DNAJC17: variants seen among roughly 807,000 people sequenced by gnomAD.
The protein encoded by DNAJC17 is dnaJ homolog subfamily C member 17.
In DNAJC17, 35 loss-of-function variants were observed where a neutral mutation model predicts 48.1. The observed-to-expected ratio is 0.73, with a 90% confidence interval of 0.56 to 0.96. The LOEUF (loss-of-function observed/expected upper bound fraction) is 0.96, where lower values mean the gene tolerates loss of function less well. Ranked by LOEUF, DNAJC17 falls within the 50% of genes least tolerant of loss-of-function variation. The pLI, the probability that DNAJC17 is intolerant of heterozygous loss-of-function variation, is 0.00. For missense variants in DNAJC17, 355 were observed against 377.1 expected, an observed-to-expected ratio of 0.94 and a Z score of 0.48; for synonymous variants, 117 against 142.7, an observed-to-expected ratio of 0.82 and a Z score of 1.28.
At chr15:40,783,133 G>T (rs1889548458) in intron 1 of DNAJC17, among the ~76,000 whole-genome samples, 1 of 151,906 alleles carries the variant, frequency 6.6e-6, no homozygotes, top group Non-Finnish European at 1.5e-5. Context: ...TCTTTCTTTT[G>T]CTCTCTTTGC....
intron 1 of DNAJC17, among the ~76,000 whole-genome samples, chr15:40,785,164 C>T (rs1889608900): frequency 1.3e-5 from 2 of 152,098 alleles, no homozygotes; most frequent in Admixed American, 6.6e-5. Context: ...CCCGAAAAAG[C>T]TTCCAGTCTC....
At chr15:40,798,710 A>T (rs1002104748) in intron 1 of DNAJC17, among the ~76,000 whole-genome samples, 1 of 152,122 alleles carries the variant, frequency 6.6e-6, no homozygotes. Flanking sequence ...AGGTGACAAA[A>T]TCTGATTTAC....
At position 40,767,024 on chromosome 15, in the gene DNAJC17, G is replaced by A. The variant is rs1049426250; in HGVS notation, c.*916C>T. 1 of 435,256 alleles carries A rather than the reference G, an allele frequency of 2.3e-6. No homozygotes were observed. Among genetic ancestry groups the A allele is most frequent in the East Asian group, 3.5e-5 (1 of 28,170 alleles). 27.0% of individuals were successfully genotyped at this position (435,256 alleles called of 1,614,324 possible). ...ACAACAGTGGCACCTTCACTAGCTT[G>A]TTGGGAAGAATAAATGAGATAGCTC... On this transcript the variant is annotated 3_prime_UTR_variant, in exon 11 of 11. Coordinates refer to ENST00000220496, the MANE Select transcript of DNAJC17 (RefSeq NM_018163.3).
intron 10 of DNAJC17, among the ~76,000 whole-genome samples, chr15:40,773,089 T>C (rs1010687120): frequency 6.6e-6 from 1 of 151,834 alleles, no homozygotes; most frequent in Non-Finnish European, 1.5e-5. Flanking sequence ...GCCTCCTGAG[T>C]AGCTGGGATT....
intron 1 of DNAJC17, among the ~76,000 whole-genome samples, chr15:40,781,032 C>A (rs1889471800): frequency 6.6e-6 from 1 of 150,596 alleles, no homozygotes; most frequent in African/African-American, 2.4e-5. Flanking sequence ...CCCTGTAATC[C>A]CCCTACTTGG....
At chr15:40,779,348 A>T (rs1889415445) in intron 3 of DNAJC17, 38 bp from the exon 4 acceptor site, 2 of 1,609,604 alleles carry the variant, frequency 1.2e-6, no homozygotes, top group Admixed American at 3.3e-5. Context: ...AGGGTCAGTG[A>T]GAGAGTAAAG....
chr15:40,804,813 C>G (rs925315996), intron 1 of DNAJC17, among the ~76,000 whole-genome samples: 2 of 151,514 alleles, frequency 1.3e-5, no homozygotes, highest in African/African-American at 4.9e-5. Flanking sequence ...ACCAGCCTGA[C>G]CAACATGGTG....
chr15:40,800,432 A>G (rs1233881016), intron 1 of DNAJC17, among the ~76,000 whole-genome samples: 2 of 151,166 alleles, frequency 1.3e-5, no homozygotes, highest in African/African-American at 4.9e-5. Context: ...TCATGTGTTT[A>G]TTGACCATTT....
chr15:40,775,167 C>T, intron 7 of DNAJC17, 59 bp from the exon 8 acceptor site: 1 of 1,570,960 alleles, frequency 6.4e-7, no homozygotes, highest in Non-Finnish European at 8.8e-7. Flanking sequence ...CACCCCACGA[C>T]TGAGCTTGAC....
chr15:40,787,613 A>G (rs1186829459), intron 1 of DNAJC17, among the ~76,000 whole-genome samples: 1 of 152,046 alleles, frequency 6.6e-6, no homozygotes, highest in Non-Finnish European at 1.5e-5. Flanking sequence ...TGAATAATAA[A>G]TTGGCAGCCA....
At chr15:40,800,566 C>G (rs1482640587) in intron 1 of DNAJC17, among the ~76,000 whole-genome samples, 1 of 151,056 alleles carries the variant, frequency 6.6e-6, no homozygotes, top group Non-Finnish European at 1.5e-5. Flanking sequence ...TCAGAGCTCA[C>G]TGTAACTTCA....
In DNAJC17 at chr15:40,767,569, C is replaced by T. The variant is rs1888979060; in HGVS notation, c.*371G>A. ...TGCCCTGGTGCTCCCAGCTGCCCTC[C>T]TGCTTCGGGCCTGGGCCGAGGGCCT... On this transcript the variant is annotated 3_prime_UTR_variant, in exon 11 of 11. Transcript: ENST00000220496. 3 of 609,400 alleles carry T rather than the reference C, an allele frequency of 4.9e-6. No homozygotes were observed. Among genetic ancestry groups the T allele is most frequent in the South Asian group, 2.4e-5 (1 of 42,226 alleles). 37.7% of individuals were successfully genotyped at this position (609,400 alleles called of 1,614,324 possible).
At chr15:40,792,895 CTT>C (rs563611021) in intron 1 of DNAJC17, among the ~76,000 whole-genome samples, 279 of 126,240 alleles carry the variant, frequency 2.2e-3, no homozygotes, top group African/African-American at 8.4e-3. Context: ...AAGATCCCTT[CTT>C]TTTTTTTTTT....
chr15:40,774,526 C>T (rs1031030824), intron 8 of DNAJC17, 90 bp from the exon 9 acceptor site: 2 of 1,403,608 alleles, frequency 1.4e-6, no homozygotes, highest in Non-Finnish European at 2.0e-6. Flanking sequence ...ACCTTGAGGC[C>T]CATGGGGCAT....
chr15:40,767,181 T>C lies in DNAJC17; in HGVS notation c.*759A>G. On this transcript the variant is annotated 3_prime_UTR_variant, in exon 11 of 11. Coordinates refer to ENST00000220496, the MANE Select transcript of DNAJC17 (RefSeq NM_018163.3). ...CAGACACTAGCTTTGTACCAGGAGC[T>C]TGCTGTGTGCCCCTCCTCACCCCCC... The C allele has an allele frequency of 6.9e-7, 1 of 1,450,704 alleles. No homozygotes were observed. Among genetic ancestry groups the C allele is most frequent in the South Asian group, 1.5e-5 (1 of 64,922 alleles). The allele number at this position is 1,450,704 out of a possible 1,614,324, so 89.9% of individuals were successfully genotyped here.
chr15:40,802,892 C>G (rs985288833), intron 1 of DNAJC17, among the ~76,000 whole-genome samples: 5 of 152,022 alleles, frequency 3.3e-5, no homozygotes, highest in Admixed American at 2.6e-4. Context: ...CTGCTTGAAC[C>G]CAGGAGTTCA....
chr15:40,780,869 G>A (rs991196613), intron 1 of DNAJC17, among the ~76,000 whole-genome samples: 10 of 149,990 alleles, frequency 6.7e-5, no homozygotes, highest in Non-Finnish European at 1.2e-4. Flanking sequence ...GATTGAGGCC[G>A]GACATGGTGG....
chr15:40,771,303 C>T (rs567704691), intron 10 of DNAJC17: 10 of 453,186 alleles, frequency 2.2e-5, no homozygotes, highest in South Asian at 2.0e-4. Context: ...CTGGCTATGC[C>T]GGGAAAGGGA....
Position 40,788,429 on chromosome 15 carries a change from G to T in DNAJC17, c.79-8432C>A, listed in dbSNP as rs1889699899. 2.0e-5 allele frequency among the ~76,000 whole-genome samples: 3 copies of T among 152,204 alleles called. No individual in the cohort carries two copies. In the South Asian group the frequency reaches 6.2e-4, roughly 32 times the overall value. The stretch of plus-strand genomic sequence containing the variant: ...ATTTAAAAATGGGCCGGGCACGGTG[G>T]CTCACGCCTGTAATCCCAGCACTTT... On this transcript the variant is annotated intron_variant, in intron 1 of 10. Coordinates refer to ENST00000220496, the MANE Select transcript of DNAJC17 (RefSeq NM_018163.3).
Sources: allele counts gnomAD v4.1 joint callset (sites outside exome capture counted in the v4.1 genomes callset), GRCh38; gene constraint gnomAD v4.1.1; transcripts MANE v1.5; gene names NCBI Gene and HGNC (gene_info 2026-07-23, HGNC 2026-07-21).